Variants in FLNC observed in about 807,000 individuals in gnomAD.
FLNC encodes filamin C, also known as filamin-C.
A neutral mutation model predicts 254.3 loss-of-function variants in FLNC; 91 were observed. That is an observed-to-expected ratio of 0.36 (90% CI 0.30 to 0.43). FLNC has a LOEUF of 0.43. Among genes scored for constraint, FLNC ranks in the 20% least tolerant of loss-of-function variants. FLNC has a pLI of 1.00. For missense variants in FLNC, 2,853 were observed against 3,802.6 expected (o/e 0.75, Z 6.57); for synonymous variants, 1,430 against 1,577.2 (o/e 0.91, Z 2.21).
rs774194364 is a variant in FLNC, at chr7:128,841,508, G to A, written c.2062G>A (p.Ala688Thr). 1.4e-5 allele frequency: 22 copies of A among 1,614,010 alleles called. No homozygotes were observed. The highest frequency in any genetic ancestry group is 3.3e-5 in the Admixed American group (2 of 60,012). Residue 688 changes from alanine to threonine, a missense_variant, in exon 13 of 48, where the codon GCT (alanine) becomes ACT (threonine). Ala to Thr is a moderately conservative substitution (Grantham distance 58). Coordinates refer to ENST00000325888, the MANE Select transcript of FLNC (RefSeq NM_001458.5). This position sits in a 1 kb window ranked among gnomAD's most constrained non-coding sequence, Gnocchi z 4.3. ...EPTGCIVDKP[A>T]EFTIDARAAG... ...TACCGGCTGCATCGTGGACAAGCCC[G>A]CTGAGTTCACCATTGATGCTCGTGC...
chr7:128,838,495 G>T (rs1016025623), intron 7 of FLNC, 66 bp downstream of exon 7: 5 of 1,600,058 alleles, frequency 3.1e-6, no homozygotes, highest in Non-Finnish European at 3.4e-6. Flanking sequence ...TGGGGGTGGG[G>T]GGAGGCTGGG....
chr7:128,838,930 G>C (rs1808218162), intron 8 of FLNC, 127 bp downstream of exon 8: 10 of 810,606 alleles, frequency 1.2e-5, no homozygotes, highest in Admixed American at 2.3e-5. Flanking sequence ...CCACCCCCAA[G>C]GTGGCTGGAG....
chr7:128,849,069 G>A, intron 28 of FLNC, 87 bp downstream of exon 28: 1 of 1,591,250 alleles, frequency 6.3e-7, no homozygotes. Context: ...CCAGGGGTCT[G>A]CTGGTCGGAG....
chr7:128,838,563 G>C (rs1248105067), intron 7 of FLNC, 40 bp from the exon 8 acceptor site: 1 of 1,611,228 alleles, frequency 6.2e-7, no homozygotes, highest in African/African-American at 1.3e-5. Flanking sequence ...GGGCAGCTGT[G>C]TGTGTCCAGA....
rs773080853 is a variant in FLNC, at chr7:128,843,834, T to A, written c.2850T>A (p.Pro950=). 1 of 1,613,274 alleles carries A rather than the reference T, an allele frequency of 6.2e-7. No individual in the cohort carries two copies. Among genetic ancestry groups the A allele is most frequent in the Non-Finnish European group, 8.5e-7 (1 of 1,179,972 alleles). ...MAVTVTYGGD[P]VPKSPFVVNV... is the part of the protein sequence containing the mutation. ...TGACAGTGACTTATGGCGGGGACCC[T>A]GTCCCCAAGAGCCCCTTTGTGGTGA... The change falls in exon 19 of 48, where the codon CCT becomes CCA. Residue 950 remains proline, a synonymous_variant. Coordinates refer to ENST00000325888, the MANE Select transcript of FLNC (RefSeq NM_001458.5).
chr7:128,853,402 G>A (rs1808908058), intron 37 of FLNC, 67 bp from the exon 38 acceptor site: 1 of 1,595,394 alleles, frequency 6.3e-7, no homozygotes, highest in South Asian at 1.1e-5. Context: ...TGCAGTCTGG[G>A]GAGAGGAAAG....
At position 128,836,410 on chromosome 7, in the gene FLNC, G is replaced by A. The variant is rs938004944; in HGVS notation, c.602-750G>A. On this transcript the variant is annotated intron_variant, in intron 2 of 47. Coordinates refer to ENST00000325888, the MANE Select transcript of FLNC (RefSeq NM_001458.5). The surrounding 1 kb of genome is among the most constrained non-coding windows in gnomAD (Gnocchi z 6.0). ...CATAACTGGTGTGGCTGCCAGCAGT[G>A]AGCTCAGCTGTTCCAGCCAGTCATG... Among the ~76,000 whole-genome samples, 5 of 152,168 alleles carry A rather than the reference G, an allele frequency of 3.3e-5. No individual in the cohort carries two copies. Among genetic ancestry groups the A allele is most frequent in the Admixed American group, 2.0e-4 (3 of 15,288 alleles).
rs532062557 is a variant in FLNC at position 128,836,987 on chromosome 7, G to A, written c.602-173G>A. 1.3e-5 allele frequency among the ~76,000 whole-genome samples: 2 copies of A among 152,346 alleles called. No individual in the cohort carries two copies. Among genetic ancestry groups the A allele is most frequent in the South Asian group, 2.1e-4 (1 of 4,830 alleles). Reference sequence around the variant, plus strand: ...GTGGAGAGGGCTGTCCTGCTCCTACGTGGTGAGGGGCCTCGAAGCTGATGG... The same window carrying A: ...GTGGAGAGGGCTGTCCTGCTCCTACATGGTGAGGGGCCTCGAAGCTGATGG... On this transcript the variant is annotated intron_variant, in intron 2 of 47. Coordinates refer to ENST00000325888, the MANE Select transcript of FLNC (RefSeq NM_001458.5). The surrounding 1 kb of genome is among the most constrained non-coding windows in gnomAD (Gnocchi z 6.0).
In FLNC at chr7:128,856,413, G is replaced by A. The variant is rs1426829552; in HGVS notation, c.7252-105G>A. ...GGGCCAGGCTGGGCATGGGGTGGCA[G>A]CAGCCTTTGGGCTGGGCTTACAGTG... On this transcript the variant is annotated intron_variant, in intron 43 of 47. Transcript: ENST00000325888. This position sits in a 1 kb window ranked among gnomAD's most constrained non-coding sequence, Gnocchi z 5.9. 5 of 1,467,416 alleles carry A rather than the reference G, an allele frequency of 3.4e-6. No homozygotes were observed. Among genetic ancestry groups the A allele is most frequent in the African/African-American group, 1.4e-5 (1 of 72,386 alleles). 90.9% of individuals were successfully genotyped at this position (1,467,416 alleles called of 1,614,324 possible). A position where few individuals can be genotyped will look rare whatever the true frequency, so the allele number is the denominator to read the frequency against.
intron 1 of FLNC, among the ~76,000 whole-genome samples, chr7:128,832,816 GA>G (rs1219413840): frequency 6.6e-6 from 1 of 152,212 alleles, no homozygotes; most frequent in African/African-American, 2.4e-5. Flanking sequence ...GAGGGGAGGG[GA>G]CACCGGCAGC....
In FLNC at chr7:128,850,049, G is replaced by A. The variant is rs573984029; in HGVS notation, c.5273G>A (p.Arg1758Gln). Residue 1758 changes from arginine (R) to glutamine (Q), a missense_variant, in exon 31 of 48, where the codon CGG (arginine) becomes CAG (glutamine). Physicochemically the swap from Arg to Gln is conservative, Grantham distance 43 (BLOSUM62 1). Coordinates refer to ENST00000325888, the MANE Select transcript of FLNC (RefSeq NM_001458.5). ...PQLRQPYAPP[R>Q]PGARPTHWAT... ...CTGCGCCAGCCCTACGCTCCTCCCC[G>A]GCCCGGCGCCCGCCCCACACACTGG... is the stretch of plus-strand genomic sequence containing the variant. The A allele has an allele frequency of 1.6e-5, 25 of 1,546,030 alleles. No homozygotes were observed. The highest frequency in any genetic ancestry group is 5.4e-5 in the African/African-American group (4 of 73,530).
rs748970432 is a variant in FLNC, at chr7:128,854,510, C to T, written c.6825C>T (p.Ser2275=). 3.5e-5 allele frequency: 56 copies of T among 1,605,134 alleles called. No individual in the cohort carries two copies. The highest frequency in any genetic ancestry group is 2.3e-4 in the South Asian group (21 of 89,644). ...EIVEGEDSAY[S]VRFVPQEMGP... ...TCGAGGGCGAGGACAGCGCCTACAGCGTGCGCTTTGTGCCCCAGGAAATGG... is the reference window on the plus strand; with the variant it reads ...TCGAGGGCGAGGACAGCGCCTACAGTGTGCGCTTTGTGCCCCAGGAAATGG... The change falls in exon 41 of 48, where the codon AGC becomes AGT. Residue 2275 remains serine, a synonymous_variant. Transcript: ENST00000325888.
rs762297336 is a variant in FLNC at position 128,851,583 on chromosome 7, G to T, written c.5797G>T (p.Asp1933Tyr). 6 of 1,613,806 alleles carry T rather than the reference G, an allele frequency of 3.7e-6. No individual in the cohort carries two copies. Among genetic ancestry groups the T allele is most frequent in the Admixed American group, 1.7e-5 (1 of 59,998 alleles). ...PGDYSIIVRF[D>Y]DKHIPGSPFT... The stretch of plus-strand genomic sequence containing the variant: ...AGACTACAGCATCATCGTGCGCTTC[G>T]ATGACAAGCACATCCCGGGGAGCCC... Residue 1933 changes from aspartate to tyrosine, a missense_variant, in exon 35 of 48, where the codon GAT (aspartate) becomes TAT (tyrosine). Around this residue, in one of 10 missense-constraint regions of FLNC, gnomAD observed 551 missense variants for 835.0 expected, o/e 0.66. Transcript: ENST00000325888.
Position 128,838,375 on chromosome 7 carries a change from G to T in FLNC, c.1156G>T (p.Glu386Ter). 6.2e-7 allele frequency: 1 copy of T among 1,614,074 alleles called. No individual in the cohort carries two copies. Among genetic ancestry groups the T allele is most frequent in the Non-Finnish European group, 8.5e-7 (1 of 1,180,002 alleles). ...GGTGTCAGCCCGTGGCCCTGGCCTG[G>T]AACCTGTGGGCAATGTGGCCAACAA... ...NKVSARGPGLEPVGNVANKPT... is the reference protein window; with the variant it reads ...NKVSARGPGL Residue 386 changes from glutamate (E) to a stop codon, truncating the protein, a stop_gained, in exon 7 of 48, where the codon GAA (glutamate) becomes TAA (stop). Transcript: ENST00000325888. LOFTEE classifies it high-confidence loss of function.
rs2128935267 is a variant in FLNC, at chr7:128,841,264, G to A, written c.1908G>A (p.Gly636=). The part of the protein sequence containing the change: ...CDVRYWPTEP[G]EYAVHVICDD... ...TGCGGTACTGGCCCACGGAGCCTGG[G>A]GAGTACGCTGTGCACGTCATCTGTG... The change falls in exon 12 of 48, where the codon GGG becomes GGA. Residue 636 remains glycine, a synonymous_variant. Transcript: ENST00000325888. This position sits in a 1 kb window ranked among gnomAD's most constrained non-coding sequence, Gnocchi z 4.3. The A allele has an allele frequency of 6.2e-7, 1 of 1,614,136 alleles. No homozygotes were observed. Among genetic ancestry groups the A allele is most frequent in the Non-Finnish European group, 8.5e-7 (1 of 1,180,010 alleles).
Position 128,843,391 on chromosome 7 carries a change from T to C in FLNC, c.2642-17T>C, listed in dbSNP as rs777836453. 11 of 1,613,800 alleles carry C rather than the reference T, an allele frequency of 6.8e-6. No homozygotes were observed. In the South Asian group the frequency reaches 1.2e-4, roughly 18 times the overall value. On this transcript the variant is annotated splice_polypyrimidine_tract_variant and intron_variant, in intron 17 of 47. Coordinates refer to ENST00000325888, the MANE Select transcript of FLNC (RefSeq NM_001458.5). The stretch of plus-strand genomic sequence containing the variant: ...GTGGCTGCCAGGCCCTCACCACATC[T>C]CTGGGTGGGTCCTCAGGTGTGGAAG...
chr7:128,837,575 C>T, intron 4 of FLNC, 27 bp downstream of exon 4: 3 of 1,613,930 alleles, frequency 1.9e-6, no homozygotes, highest in Non-Finnish European at 2.5e-6. Flanking sequence ...GGCGGCCCTC[C>T]TGGGCAGCTG....
chr7:128,844,046 G>T lies in FLNC; in HGVS notation c.2972G>T (p.Arg991Leu). 1 of 1,614,110 alleles carries T rather than the reference G, an allele frequency of 6.2e-7. No homozygotes were observed. The highest frequency in any genetic ancestry group is 8.5e-7 in the Non-Finnish European group (1 of 1,180,040). The change falls in exon 20 of 48, where the codon CGA becomes CTA. Residue 991 changes from arginine (R) to leucine (L), a missense_variant. Arg to Leu is a moderately radical substitution (Grantham distance 102). Around this residue, in one of 10 missense-constraint regions of FLNC, gnomAD observed 1,573 missense variants for 1,883.5 expected, o/e 0.84. Coordinates refer to ENST00000325888, the MANE Select transcript of FLNC (RefSeq NM_001458.5). ...GQEQAFSVNT[R>L]GAGGQGQLDV... is the part of the protein sequence containing the mutation. ...GAACAAGCATTCTCTGTGAACACACGAGGGGCTGGCGGTCAGGGCCAACTG... is the reference window on the plus strand; with the variant it reads ...GAACAAGCATTCTCTGTGAACACACTAGGGGCTGGCGGTCAGGGCCAACTG...
rs544875797 is a variant in FLNC, at chr7:128,830,659, T to C, written c.22T>C (p.Ser8Pro). The part of the protein sequence containing the change: MMNNSGY[S>P]DAGLGLGDET... Reference sequence around the variant, plus strand: ...CAGCATGATGAACAACAGCGGCTACTCAGACGCCGGCCTCGGCCTGGGCGA... The same window carrying C: ...CAGCATGATGAACAACAGCGGCTACCCAGACGCCGGCCTCGGCCTGGGCGA... The change falls in exon 1 of 48, where the codon TCA becomes CCA. Residue 8 changes from serine (S) to proline (P), a missense_variant. Around this residue, in one of 10 missense-constraint regions of FLNC, gnomAD observed 37 missense variants for 32.7 expected, o/e 1.13. Transcript: ENST00000325888. The C allele has an allele frequency of 7.7e-5, 124 of 1,612,220 alleles. 1 individual carries two copies. The East Asian group carries it at 1.5e-3, about 20-fold the overall frequency.
Sources: allele counts gnomAD v4.1 joint callset (sites outside exome capture counted in the v4.1 genomes callset), GRCh38; gene constraint gnomAD v4.1.1; regional missense constraint gnomAD v4.1.1; non-coding constraint Gnocchi (gnomAD v3.1); transcripts MANE v1.5; gene names NCBI Gene and HGNC (gene_info 2026-07-23, HGNC 2026-07-21).